EFCAB9: variants seen among roughly 807,000 people sequenced by gnomAD.
EFCAB9 encodes EF-hand calcium binding domain 9.
Under a neutral mutation model 15.6 loss-of-function variants are expected in EFCAB9, and 16 were observed. The observed-to-expected ratio is 1.03, with a 90% confidence interval of 0.69 to 1.56. The LOEUF (loss-of-function observed/expected upper bound fraction) is 1.56, where lower values mean the gene tolerates loss of function less well. Among genes scored for constraint, EFCAB9 ranks in the 40% most tolerant of loss-of-function variants. EFCAB9 has a pLI of 0.00. For missense variants in EFCAB9, 208 were observed against 235.4 expected (o/e 0.88, Z 0.76); for synonymous variants, 76 against 85.4 (o/e 0.89, Z 0.61).
At chr5:172,195,497 A>G (rs1264118977) in intron 1 of EFCAB9, among the ~76,000 whole-genome samples, 1 of 152,234 alleles carries the variant, frequency 6.6e-6, no homozygotes, top group African/African-American at 2.4e-5. Flanking sequence ...CCTGCCCTAG[A>G]TAAGGCAGCT....
At chr5:172,202,243 AG>A (rs1771265938) in intron 3 of EFCAB9, among the ~76,000 whole-genome samples, 2 of 145,920 alleles carry the variant, frequency 1.4e-5, no homozygotes, top group Non-Finnish European at 3.0e-5. Context: ...CGGGAGGCTA[AG>A]GCAGGAGAAT....
At chr5:172,197,139 C>T (rs1771178322) in intron 1 of EFCAB9, among the ~76,000 whole-genome samples, 1 of 150,334 alleles carries the variant, frequency 6.7e-6, no homozygotes, top group Admixed American at 6.6e-5. Flanking sequence ...CAGAGTTTCA[C>T]TTTTGTTGCC....
chr5:172,202,468 G>A (rs1771272636), intron 3 of EFCAB9, among the ~76,000 whole-genome samples: 1 of 152,120 alleles, frequency 6.6e-6, no homozygotes, highest in Non-Finnish European at 1.5e-5. Flanking sequence ...AACATTTTGG[G>A]AGGCTGGGGT....
chr5:172,196,033 C>T (rs1581199544), intron 1 of EFCAB9, among the ~76,000 whole-genome samples: 1 of 152,218 alleles, frequency 6.6e-6, no homozygotes, highest in East Asian at 1.9e-4. Flanking sequence ...TCTCTGTTGG[C>T]CAGGCTAGTC....
rs532032919 is a variant in EFCAB9 at position 172,194,565 on chromosome 5, A to T, written c.136+257A>T. 3.9e-5 allele frequency among the ~76,000 whole-genome samples: 6 copies of T among 152,114 alleles called. No individual in the cohort carries two copies. In the South Asian group the frequency reaches 1.2e-3, roughly 32 times the overall value. ...CAGGTGTCTGCCACCACGCCTGGCTAATTTTTTGTATTTTCGGTAGAGATG... is the reference window on the plus strand; with the variant it reads ...CAGGTGTCTGCCACCACGCCTGGCTTATTTTTTGTATTTTCGGTAGAGATG... On this transcript the variant is annotated intron_variant, in intron 1 of 3. Transcript: ENST00000398186.
intron 1 of EFCAB9, among the ~76,000 whole-genome samples, chr5:172,195,455 T>C (rs1032370313): frequency 6.6e-6 from 1 of 152,260 alleles, no homozygotes; most frequent in Admixed American, 6.5e-5. Context: ...TAGAGATTTA[T>C]GTACAGTGCA....
intron 1 of EFCAB9, 98 bp downstream of exon 1, chr5:172,194,406 T>TTC: frequency 7.7e-7 from 1 of 1,303,870 alleles, no homozygotes; most frequent in East Asian, 2.8e-5. Context: ...GTTAGTACAT[T>TTC]TTTTTTTTTT....
Position 172,202,332 on chromosome 5 carries a change from C to CAAAAAAAAAA in EFCAB9, c.463-867_463-858dup, listed in dbSNP as rs10690291. On this transcript the variant is annotated intron_variant, in intron 3 of 3. Transcript: ENST00000398186. Reference sequence around the variant, plus strand: ...TGGGCGACAGAGTGAGACTTCATCTCAAAAAAAAAAAAAAAAAAAAAAAAG... The same window carrying CAAAAAAAAAA: ...TGGGCGACAGAGTGAGACTTCATCTCAAAAAAAAAAAAAAAAAAAAAAAAAAAAAAAAAAG... Among the ~76,000 whole-genome samples, 58 of 73,338 alleles carry CAAAAAAAAAA rather than the reference C, an allele frequency of 7.9e-4. 1 individual carries two copies. The highest frequency in any genetic ancestry group is 1.3e-3 in the East Asian group (3 of 2,388). 48.1% of individuals were successfully genotyped at this position (73,338 alleles called of 152,430 possible).
intron 1 of EFCAB9, among the ~76,000 whole-genome samples, chr5:172,199,139 C>A (rs1771211552): frequency 6.6e-6 from 1 of 152,170 alleles, no homozygotes; most frequent in Non-Finnish European, 1.5e-5. Flanking sequence ...GGGGCAGGAG[C>A]CAAGCCCTGT....
In EFCAB9 at chr5:172,200,521, C is replaced by T. The variant is rs1173597857; in HGVS notation, c.286-45C>T. 3.3e-6 allele frequency: 5 copies of T among 1,495,242 alleles called. No homozygotes were observed. In the Admixed American group the frequency reaches 8.8e-5, roughly 26 times the overall value. The allele number at this position is 1,495,242 out of a possible 1,614,324, so 92.6% of individuals were successfully genotyped here. A position where few individuals can be genotyped will look rare whatever the true frequency, so the allele number is the denominator to read the frequency against. On this transcript the variant is annotated intron_variant, in intron 2 of 3. Transcript: ENST00000398186. The stretch of plus-strand genomic sequence containing the variant: ...TTGAGGAAACAAGTTTAGAAAGCAG[C>T]ATCGACAACACTGTTGCTCATCTCA...
At chr5:172,199,884 G>T (rs1312171830) in intron 2 of EFCAB9, among the ~76,000 whole-genome samples, 1 of 148,422 alleles carries the variant, frequency 6.7e-6, no homozygotes, top group African/African-American at 2.5e-5. Flanking sequence ...ACCTTCTGAG[G>T]TCTTTTCTTA....
chr5:172,201,548 A>T (rs1581201613), intron 3 of EFCAB9, among the ~76,000 whole-genome samples: 1 of 133,434 alleles, frequency 7.5e-6, no homozygotes. Flanking sequence ...CTCCATCTTA[A>T]AAAACAAACA....
At chr5:172,201,048 C>A (rs552633542) in intron 3 of EFCAB9, among the ~76,000 whole-genome samples, 43 of 151,828 alleles carry the variant, frequency 2.8e-4, no homozygotes, top group Admixed American at 9.8e-4. Context: ...GCCTGGCTAA[C>A]ATTGTGAAAC....
At chr5:172,196,800 C>T (rs1483013214) in intron 1 of EFCAB9, among the ~76,000 whole-genome samples, 1 of 152,130 alleles carries the variant, frequency 6.6e-6, no homozygotes, top group African/African-American at 2.4e-5. Flanking sequence ...CAGCCACACA[C>T]CACTGTGTAA....
At chr5:172,194,449 G>T (rs1771124669) in intron 1 of EFCAB9, 141 bp downstream of exon 1, 2 of 1,125,550 alleles carry the variant, frequency 1.8e-6, no homozygotes, top group Admixed American at 5.6e-5. Context: ...GCCCAGGCTG[G>T]AGTACGATGG....
At position 172,194,401 on chromosome 5, in the gene EFCAB9, T is replaced by C. The variant is rs1184801267; in HGVS notation, c.136+93T>C. On this transcript the variant is annotated intron_variant, in intron 1 of 3. Transcript: ENST00000398186. Reference sequence around the variant, plus strand: ...GCAGAGCCAGAAACTATTTTGTTAGTACATTTTTTTTTTTTTGAGACGGAA... The same window carrying C: ...GCAGAGCCAGAAACTATTTTGTTAGCACATTTTTTTTTTTTTGAGACGGAA... 3.7e-5 allele frequency: 53 copies of C among 1,414,316 alleles called. 1 individual carries two copies. Among genetic ancestry groups the C allele is most frequent in the Non-Finnish European group, 4.8e-5 (52 of 1,075,322 alleles). 87.6% of individuals were successfully genotyped at this position (1,414,316 alleles called of 1,614,324 possible). A position where few individuals can be genotyped will look rare whatever the true frequency, so the allele number is the denominator to read the frequency against.
chr5:172,202,803 C>A (rs1771279088), intron 3 of EFCAB9, among the ~76,000 whole-genome samples: 1 of 151,876 alleles, frequency 6.6e-6, no homozygotes, highest in Admixed American at 6.6e-5. Flanking sequence ...AGTTTGAGAC[C>A]AGCCTGACCA....
chr5:172,200,649 T>C lies in EFCAB9; in HGVS notation c.369T>C (p.Gly123=). ...ACCTGAAAGGGGATCTGAGAATTGG[T>C]GCAAAAAACTTCGAAATGTACAGAT... is the stretch of plus-strand genomic sequence containing the variant. ...LLDLKGDLRI[G]AKNFEMYRFL... is the part of the protein sequence containing the mutation. Residue 123 remains glycine (G), a synonymous_variant, in exon 3 of 4, where the codon GGT becomes GGC. Transcript: ENST00000398186. 1 of 1,537,276 alleles carries C rather than the reference T, an allele frequency of 6.5e-7. No individual in the cohort carries two copies. Among genetic ancestry groups the C allele is most frequent in the East Asian group, 2.4e-5 (1 of 40,924 alleles).
chr5:172,203,190 C>T (rs2113863151), intron 3 of EFCAB9, 24 bp from the exon 4 acceptor site: 13 of 1,454,364 alleles, frequency 8.9e-6, no homozygotes, highest in East Asian at 2.5e-5. Context: ...AATAATTTTT[C>T]TTTCCCCCCC....
Sources: allele counts gnomAD v4.1 joint callset (sites outside exome capture counted in the v4.1 genomes callset), GRCh38; gene constraint gnomAD v4.1.1; transcripts MANE v1.5; gene names NCBI Gene and HGNC (gene_info 2026-07-23, HGNC 2026-07-21).